Variants in CDC73 observed in about 807,000 individuals in gnomAD.
The protein encoded by CDC73 is parafibromin.
CDC73 carries 21 observed loss-of-function variants against 83.7 expected under a neutral mutation model. That is an observed-to-expected ratio of 0.25 (90% CI 0.18 to 0.36). The LOEUF is 0.36. Among genes scored for constraint, CDC73 ranks in the 10% least tolerant of loss-of-function variants. The pLI, the probability that CDC73 is intolerant of heterozygous loss-of-function variation, is 1.00. For synonymous variants in CDC73, 224 were observed against 212.9 expected (o/e 1.05, Z -0.45); for missense variants, 342 against 653.3 (o/e 0.52, Z 5.19).
intron 13 of CDC73, among the ~76,000 whole-genome samples, chr1:193,224,837 A>C (rs564700829): frequency 1.3e-5 from 2 of 150,978 alleles, no homozygotes; most frequent in East Asian, 1.9e-4. Context: ...TTTTTTTTCT[A>C]TTGTTTTAAA....
intron 13 of CDC73, among the ~76,000 whole-genome samples, chr1:193,226,751 T>A (rs1256958045): frequency 6.6e-6 from 1 of 152,214 alleles, no homozygotes; most frequent in Middle Eastern, 3.2e-3. Flanking sequence ...TGCATCTGTG[T>A]TCATCAGGGA....
At chr1:193,205,677 T>A (rs1677176997) in intron 11 of CDC73, among the ~76,000 whole-genome samples, 1 of 152,160 alleles carries the variant, frequency 6.6e-6, no homozygotes, top group Non-Finnish European at 1.5e-5. Flanking sequence ...TCAGTAGGGA[T>A]GATCATACCA....
intron 13 of CDC73, among the ~76,000 whole-genome samples, chr1:193,227,862 C>T (rs1288193370): frequency 1.3e-5 from 2 of 152,128 alleles, no homozygotes; most frequent in Non-Finnish European, 2.9e-5. Context: ...AAATAAAGTA[C>T]TGTTGTTTGT....
chr1:193,144,718 A>G (rs1178946284), intron 7 of CDC73, among the ~76,000 whole-genome samples: 1 of 152,152 alleles, frequency 6.6e-6, no homozygotes, highest in Non-Finnish European at 1.5e-5. Flanking sequence ...CATGATGGTT[A>G]TTCTCATCAA....
chr1:193,198,317 G>A (rs1223139097), intron 10 of CDC73, among the ~76,000 whole-genome samples: 1 of 152,176 alleles, frequency 6.6e-6, no homozygotes, highest in African/African-American at 2.4e-5. Flanking sequence ...TTAAGAAGTA[G>A]GACCATTTGG....
At chr1:193,203,947 T>G (rs1677135401) in intron 11 of CDC73, 95 bp downstream of exon 11, 5 of 1,006,064 alleles carry the variant, frequency 5.0e-6, no homozygotes, top group Admixed American at 1.8e-5. Context: ...AAACTTAAAT[T>G]TTACTTAAAA....
chr1:193,213,113 T>G (rs1229643938), intron 13 of CDC73, among the ~76,000 whole-genome samples: 2 of 152,194 alleles, frequency 1.3e-5, no homozygotes, highest in Non-Finnish European at 2.9e-5. Flanking sequence ...TTACGTATAT[T>G]TTCCCATAGC....
At chr1:193,157,998 T>A (rs989211695) in intron 10 of CDC73, among the ~76,000 whole-genome samples, 2 of 151,762 alleles carry the variant, frequency 1.3e-5, no homozygotes, top group African/African-American at 2.4e-5. Context: ...TGGTAGCTAC[T>A]TGTATTATTA....
In CDC73 at chr1:193,162,150, T is replaced by TTATCTATTATATTGTATATAATATATATA. The variant is rs1676337274; in HGVS notation, c.972+9734_972+9735insATATCTATTATATTGTATATAATATATAT. 1.3e-3 allele frequency among the ~76,000 whole-genome samples: 44 copies of TTATCTATTATATTGTATATAATATATATA among 33,408 alleles called. 2 individuals are homozygous for TTATCTATTATATTGTATATAATATATATA. The highest frequency in any genetic ancestry group is 2.4e-3 in the Non-Finnish European group (42 of 17,702). 21.9% of individuals were successfully genotyped at this position (33,408 alleles called of 152,430 possible). Reference sequence around the variant, plus strand: ...TATTGTATATAATATATATTATATATTATCTATTATATTGTATATAATATA... The same window carrying TTATCTATTATATTGTATATAATATATATA: ...TATTGTATATAATATATATTATATATTATCTATTATATTGTATATAATATATATATATCTATTATATTGTATATAATATA... On this transcript the variant is annotated intron_variant, in intron 10 of 16. Coordinates refer to ENST00000367435, the MANE Select transcript of CDC73 (RefSeq NM_024529.5).
At chr1:193,229,078 C>T (rs572211119) in intron 13 of CDC73, among the ~76,000 whole-genome samples, 2 of 152,246 alleles carry the variant, frequency 1.3e-5, no homozygotes, top group African/African-American at 2.4e-5. Flanking sequence ...TTCACATACC[C>T]ATTAGAAAGA....
chr1:193,208,594 G>GT (rs1003230664), intron 11 of CDC73, among the ~76,000 whole-genome samples: 5 of 151,814 alleles, frequency 3.3e-5, no homozygotes, highest in Non-Finnish European at 5.9e-5. Context: ...CAAATCCATT[G>GT]TTTTTTTTCT....
chr1:193,165,121 C>G (rs1676413699), intron 10 of CDC73, among the ~76,000 whole-genome samples: 1 of 152,152 alleles, frequency 6.6e-6, no homozygotes, highest in Non-Finnish European at 1.5e-5. Context: ...GAACTCTGGG[C>G]TCAAGCCATC....
chr1:193,164,332 A>G lies in CDC73; in HGVS notation c.972+11888A>G, dbSNP rs561631626. Among the ~76,000 whole-genome samples the G allele has an allele frequency of 2.6e-5, 4 of 152,312 alleles. No individual in the cohort carries two copies. The East Asian group carries it at 7.7e-4, about 29-fold the overall frequency. ...CTGCCTGAATCCTGAGTTGTCTCAT[A>G]GGGTGGCATTATGTTAGTAATTTGC... On this transcript the variant is annotated intron_variant, in intron 10 of 16. Coordinates refer to ENST00000367435, the MANE Select transcript of CDC73 (RefSeq NM_024529.5).
At chr1:193,160,560 A>G (rs959495886) in intron 10 of CDC73, among the ~76,000 whole-genome samples, 1 of 152,064 alleles carries the variant, frequency 6.6e-6, no homozygotes, top group Non-Finnish European at 1.5e-5. Context: ...AGAGCTTTTT[A>G]TTCCACTTTC....
At chr1:193,140,338 A>G (rs762444546) in intron 6 of CDC73, among the ~76,000 whole-genome samples, 14 of 152,286 alleles carry the variant, frequency 9.2e-5, no homozygotes, top group Middle Eastern at 3.4e-3. Context: ...TAAAAATTCT[A>G]TGTTTCAAAG....
At chr1:193,152,338 T>C (rs1676128739) in intron 9 of CDC73, 42 bp from the exon 10 acceptor site, 1 of 1,253,304 alleles carries the variant, frequency 8.0e-7, no homozygotes, top group South Asian at 1.2e-5. Flanking sequence ...ATAAGATACA[T>C]GATCTATAAA....
intron 10 of CDC73, among the ~76,000 whole-genome samples, chr1:193,159,621 C>G (rs887126071): frequency 2.0e-5 from 3 of 152,222 alleles, no homozygotes; most frequent in Non-Finnish European, 2.9e-5. Context: ...GTCAGCCTCC[C>G]AAAGTGCTTG....
In CDC73 at chr1:193,212,398, A is replaced by G. The variant is rs1060500010; in HGVS notation, c.1075A>G (p.Thr359Ala). Residue 359 changes from threonine (T) to alanine (A), a missense_variant, in exon 13 of 17, where the codon ACA (threonine) becomes GCA (alanine). Thr to Ala is a moderately conservative substitution (Grantham distance 58). This residue lies in a region of CDC73 where 239 missense variants were observed against 420.6 expected (regional missense o/e 0.57). Coordinates refer to ENST00000367435, the MANE Select transcript of CDC73 (RefSeq NM_024529.5). ...AAATTTTGTCTTTATAGGATCTCGA[A>G]CACCCATTATCATAATTCCTGCAGC... ...PPPNQKKGSRTPIIIIPAATT... is the reference protein window; with the variant it reads ...PPPNQKKGSRAPIIIIPAATT... 3.1e-6 allele frequency: 5 copies of G among 1,596,670 alleles called. No individual in the cohort carries two copies. Among genetic ancestry groups the G allele is most frequent in the Non-Finnish European group, 4.3e-6 (5 of 1,168,792 alleles).
chr1:193,156,374 A>T (rs1676208035), intron 10 of CDC73, among the ~76,000 whole-genome samples: 1 of 152,140 alleles, frequency 6.6e-6, no homozygotes, highest in African/African-American at 2.4e-5. Context: ...AGCATCTCAC[A>T]CCCTGCAATT....
Sources: allele counts gnomAD v4.1 joint callset (sites outside exome capture counted in the v4.1 genomes callset), GRCh38; gene constraint gnomAD v4.1.1; regional missense constraint gnomAD v4.1.1; transcripts MANE v1.5; gene names NCBI Gene and HGNC (gene_info 2026-07-23, HGNC 2026-07-21).